The following SUMF1 variants were observed in gnomAD, a reference collection of about 807,000 sequenced individuals.
The protein encoded by SUMF1 is formylglycine-generating enzyme.
SUMF1 carries 48 observed loss-of-function variants against 47.6 expected under a neutral mutation model. The ratio of observed to expected loss-of-function variants is 1.01; its 90% CI spans 0.80 to 1.28. The LOEUF is 1.28. SUMF1 is among the 50% of genes most tolerant of loss of function. The pLI is 0.00. For missense variants in SUMF1, 571 were observed against 485.4 expected (o/e 1.18, Z -1.66); for synonymous variants, 230 against 192.1 (o/e 1.20, Z -1.63).
intron 1 of SUMF1, among the ~76,000 whole-genome samples, chr3:4,456,802 GTATA>G (rs1400805379): frequency 6.9e-6 from 1 of 144,966 alleles, no homozygotes; most frequent in African/African-American, 2.6e-5. Context: ...ATATATACGT[GTATA>G]TATATACGTG....
At chr3:4,167,000 G>A (rs1387608753) in intron 8 of SUMF1, among the ~76,000 whole-genome samples, 5 of 152,032 alleles carry the variant, frequency 3.3e-5, no homozygotes, top group African/African-American at 1.2e-4. Flanking sequence ...GAATTCTAAG[G>A]AAAAATAGGA....
intron 8 of SUMF1, among the ~76,000 whole-genome samples, chr3:4,205,753 G>C (rs545610034): frequency 6.6e-6 from 1 of 152,226 alleles, no homozygotes; most frequent in African/African-American, 2.4e-5. Flanking sequence ...AGAGTCTCTT[G>C]TTCTCTTCTC....
chr3:4,107,118 G>A (rs1033026626), intron 8 of SUMF1, among the ~76,000 whole-genome samples: 5 of 151,972 alleles, frequency 3.3e-5, no homozygotes, highest in African/African-American at 7.3e-5. Context: ...GGAGCTTCAC[G>A]GACAAGCAGC....
At chr3:4,139,582 A>T (rs73809325) in intron 8 of SUMF1, among the ~76,000 whole-genome samples, 1 of 149,548 alleles carries the variant, frequency 6.7e-6, no homozygotes, top group African/African-American at 2.5e-5. Flanking sequence ...GTGTGTGTGT[A>T]TATATATACA....
At chr3:4,083,555 A>G (rs1246930921) in intron 8 of SUMF1, among the ~76,000 whole-genome samples, 1 of 152,062 alleles carries the variant, frequency 6.6e-6, no homozygotes, top group Non-Finnish European at 1.5e-5. Context: ...TAATTCCCCC[A>G]ATATTCTGCT....
intron 8 of SUMF1, among the ~76,000 whole-genome samples, chr3:4,085,199 T>A (rs1044325124): frequency 2.6e-5 from 4 of 152,074 alleles, no homozygotes; most frequent in African/African-American, 9.7e-5. Context: ...AACATGTGTT[T>A]CCCAGTACTT....
At chr3:4,303,868 G>A (rs1457931037) in intron 8 of SUMF1, 1 of 1,301,826 alleles carries the variant, frequency 7.7e-7, no homozygotes, top group Admixed American at 2.5e-5. Flanking sequence ...GTCTCTCACA[G>A]GTAGGATAAG....
chr3:4,279,043 G>C (rs991391999), intron 8 of SUMF1, among the ~76,000 whole-genome samples: 2 of 151,984 alleles, frequency 1.3e-5, no homozygotes, highest in African/African-American at 4.8e-5. Flanking sequence ...AAAAGTATTG[G>C]TCTACAAAGG....
chr3:4,353,010 G>A (rs1475817530), intron 8 of SUMF1, among the ~76,000 whole-genome samples: 1 of 152,166 alleles, frequency 6.6e-6, no homozygotes, highest in African/African-American at 2.4e-5. Flanking sequence ...ACAGCTCTCA[G>A]GTTTTTTGGT....
intron 8 of SUMF1, among the ~76,000 whole-genome samples, chr3:4,253,796 A>C (rs1430268573): frequency 1.6e-4 from 23 of 146,764 alleles, no homozygotes; most frequent in African/African-American, 5.9e-4. Flanking sequence ...TGTAGGCTCC[A>C]CCTCTGGGGG....
intron 8 of SUMF1, among the ~76,000 whole-genome samples, chr3:4,295,869 A>G (rs13062481): frequency 0.32 from 49,354 of 152,050 alleles, 9,207 homozygotes; most frequent in Non-Finnish European, 0.43. Flanking sequence ...TATGTTTTTT[A>G]TCATATCAAC....
In SUMF1 at chr3:4,115,306, A is replaced by G. The variant is rs141519859; in HGVS notation, c.1015-46561T>C. The stretch of plus-strand genomic sequence containing the variant: ...CCTCGCTGAGAGCTACTTCTACTCA[A>G]CGAAACTCTGCACTCATTCTCCAAG... On this transcript the variant is annotated intron_variant and NMD_transcript_variant, in intron 8 of 12. Transcript: ENST00000448413. Among the ~76,000 whole-genome samples, 57 of 152,146 alleles carry G rather than the reference A, an allele frequency of 3.7e-4. 2 individuals are homozygous for G. Among genetic ancestry groups the G allele is most frequent in the African/African-American group, 1.3e-3 (53 of 41,474 alleles).
At chr3:4,434,047 C>A (rs963510157) in intron 3 of SUMF1, among the ~76,000 whole-genome samples, 10 of 152,172 alleles carry the variant, frequency 6.6e-5, no homozygotes, top group African/African-American at 2.4e-4. Flanking sequence ...CACAAAAGGA[C>A]AAGGATTCCA....
intron 9 of SUMF1, among the ~76,000 whole-genome samples, chr3:4,054,603 C>T (rs1423993346): frequency 6.6e-6 from 1 of 152,104 alleles, no homozygotes; most frequent in Non-Finnish European, 1.5e-5. Context: ...CTGTCACAGT[C>T]TTTTACCATC....
chr3:4,458,902 T>C (rs1186750944), intron 1 of SUMF1, among the ~76,000 whole-genome samples: 1 of 152,096 alleles, frequency 6.6e-6, no homozygotes, highest in Non-Finnish European at 1.5e-5. Context: ...ACAGCATGGA[T>C]GAACCTAGTG....
intron 3 of SUMF1, among the ~76,000 whole-genome samples, chr3:4,447,978 A>T (rs1249512026): frequency 6.6e-6 from 1 of 152,186 alleles, no homozygotes; most frequent in Admixed American, 6.5e-5. Context: ...TCTTAAAATA[A>T]GGCACATGTC....
chr3:4,201,013 C>G (rs1316931160), intron 8 of SUMF1, among the ~76,000 whole-genome samples: 3 of 151,894 alleles, frequency 2.0e-5, no homozygotes, highest in Non-Finnish European at 4.4e-5. Context: ...TTTATAGGTA[C>G]CTAGTAAATG....
intron 1 of SUMF1, among the ~76,000 whole-genome samples, chr3:4,463,718 T>C (rs1251012275): frequency 6.6e-6 from 1 of 152,192 alleles, no homozygotes; most frequent in Non-Finnish European, 1.5e-5. Context: ...CAAGACTGAC[T>C]TTATCCATAT....
chr3:4,102,509 C>T (rs937212208), intron 8 of SUMF1, among the ~76,000 whole-genome samples: 1 of 152,130 alleles, frequency 6.6e-6, no homozygotes, highest in African/African-American at 2.4e-5. Context: ...GGTAAACTCT[C>T]ACCTTAATTT....
Sources: allele counts gnomAD v4.1 joint callset (sites outside exome capture counted in the v4.1 genomes callset), GRCh38; gene constraint gnomAD v4.1.1; transcripts MANE v1.5; gene names NCBI Gene and HGNC (gene_info 2026-07-23, HGNC 2026-07-21).